The following PARVB variants were observed in gnomAD, a reference collection of about 807,000 sequenced individuals.
PARVB encodes beta-parvin.
A neutral mutation model predicts 47.0 loss-of-function variants in PARVB; 46 were observed. The observed-to-expected ratio is 0.98, with a 90% confidence interval of 0.77 to 1.25. The LOEUF is 1.25. Among genes scored for constraint, PARVB ranks in the 50% most tolerant of loss-of-function variants. PARVB has a pLI of 0.00. For synonymous variants in PARVB, 196 were observed against 196.3 expected (o/e 1.00, Z 0.01); for missense variants, 473 against 471.6 (o/e 1.00, Z -0.03).
chr22:44,153,453 T>G (rs192918827), intron 10 of PARVB: 1 of 152,082 alleles, frequency 6.6e-6, no homozygotes, highest in East Asian at 1.9e-4. Flanking sequence ...CTCAGCCTCC[T>G]GAGTAGCTGG....
intron 10 of PARVB, among the ~76,000 whole-genome samples, chr22:44,156,871 G>T (rs531085773): frequency 6.6e-6 from 1 of 152,214 alleles, no homozygotes; most frequent in African/African-American, 2.4e-5. Context: ...CTCAGGGGCT[G>T]GGGGGAAGGT....
chr22:44,117,305 CAGGG>C (rs1235352425), intron 3 of PARVB, among the ~76,000 whole-genome samples: 1 of 149,840 alleles, frequency 6.7e-6, no homozygotes, highest in East Asian at 2.0e-4. Flanking sequence ...TCAGGGGAGT[CAGGG>C]AGGATCCCCC....
intron 10 of PARVB, among the ~76,000 whole-genome samples, chr22:44,156,171 G>C (rs2053928452): frequency 6.6e-6 from 1 of 152,106 alleles, no homozygotes; most frequent in African/African-American, 2.4e-5. Context: ...TCCCTTAAGG[G>C]ACTGTTGCCC....
At chr22:44,043,571 G>T (rs888955539) in intron 1 of PARVB, among the ~76,000 whole-genome samples, 1 of 152,176 alleles carries the variant, frequency 6.6e-6, no homozygotes, top group Non-Finnish European at 1.5e-5. Flanking sequence ...TAGAGACAGG[G>T]TTTCACCATG....
Position 44,122,484 on chromosome 22 carries a change from G to A in PARVB, c.376+3344G>A, listed in dbSNP as rs550294693. ...CTAGGCAACAGAGTGAGACCCTGTC[G>A]ATCAAGAGAGAGAGAGAGAGAGAGA... On this transcript the variant is annotated intron_variant, in intron 4 of 12. Coordinates refer to ENST00000338758, the MANE Select transcript of PARVB (RefSeq NM_013327.5). 3.6e-4 allele frequency among the ~76,000 whole-genome samples: 51 copies of A among 139,772 alleles called. No individual in the cohort carries two copies. The East Asian group carries it at 9.4e-3, about 26-fold the overall frequency. 91.7% of individuals were successfully genotyped at this position (139,772 alleles called of 152,430 possible). A position where few individuals can be genotyped will look rare whatever the true frequency, so the allele number is the denominator to read the frequency against.
At chr22:44,086,982 G>A (rs935603640) in intron 1 of PARVB, 1 of 204,532 alleles carries the variant, frequency 4.9e-6, no homozygotes, top group Non-Finnish European at 8.6e-6. Context: ...GCGTGAGTTG[G>A]CACAGAGCCG....
chr22:44,140,842 C>A (rs1399309618), intron 8 of PARVB: 1 of 251,416 alleles, frequency 4.0e-6, no homozygotes, highest in Non-Finnish European at 8.3e-6. Context: ...ACTCTCTCTT[C>A]CCTCATGAAA....
At position 44,125,753 on chromosome 22, in the gene PARVB, G is replaced by T. The variant is rs2053172626; in HGVS notation, c.377-5734G>T. Among the ~76,000 whole-genome samples, 2 of 152,170 alleles carry T rather than the reference G, an allele frequency of 1.3e-5. No homozygotes were observed. Among genetic ancestry groups the T allele is most frequent in the African/African-American group, 2.4e-5 (1 of 41,450 alleles). On this transcript the variant is annotated intron_variant, in intron 4 of 12. Coordinates refer to ENST00000338758, the MANE Select transcript of PARVB (RefSeq NM_013327.5). This position sits in a 1 kb window ranked among gnomAD's most constrained non-coding sequence, Gnocchi z 4.1. ...GAAGCCATTGGAGGTTTTGGGTAGG[G>T]CTGTGACGTGGATTGGGTTAGAGTT...
intron 1 of PARVB, among the ~76,000 whole-genome samples, chr22:44,069,322 C>T (rs1156879459): frequency 6.6e-6 from 1 of 152,068 alleles, no homozygotes. Context: ...GGTGTTAGGA[C>T]GATGGGCAAG....
chr22:44,122,520 C>CAGAGAGAG (rs1569134259), intron 4 of PARVB, among the ~76,000 whole-genome samples: 1 of 49,832 alleles, frequency 2.0e-5, no homozygotes, highest in Non-Finnish European at 4.2e-5. Context: ...GAGAGAGAGA[C>CAGAGAGAG]AGAGAGACAG....
intron 8 of PARVB, chr22:44,142,650 C>A (rs1015749722): frequency 3.9e-5 from 6 of 152,112 alleles, no homozygotes; most frequent in Admixed American, 3.3e-4. Flanking sequence ...ATGGCTGGGG[C>A]AGTGGCTCCC....
At chr22:44,148,365 A>T (rs971061461) in intron 9 of PARVB, 1 of 214,638 alleles carries the variant, frequency 4.7e-6, no homozygotes, top group Admixed American at 5.1e-5. Flanking sequence ...TCACTAGCCC[A>T]GGCAGCCTGC....
At chr22:44,018,681 C>A (rs947919472) in intron 2 of PARVB, among the ~76,000 whole-genome samples, 4 of 152,114 alleles carry the variant, frequency 2.6e-5, no homozygotes, top group Non-Finnish European at 5.9e-5. Flanking sequence ...CTCGCTTGGT[C>A]CTCCACACTG....
rs559704015 is a variant in PARVB at position 44,088,075 on chromosome 22, C to T, written c.113-5853C>T. ...AGATGGAAACTGAGACACACAGAGC[C>T]GTCAAGCAGCTTGCCCAAGGTCACA... On this transcript the variant is annotated intron_variant, in intron 1 of 12. Coordinates refer to ENST00000338758, the MANE Select transcript of PARVB (RefSeq NM_013327.5). Among the ~76,000 whole-genome samples the T allele has an allele frequency of 2.0e-5, 3 of 152,184 alleles. No individual in the cohort carries two copies. The South Asian group carries it at 6.2e-4, about 32-fold the overall frequency.
At chr22:44,021,412 G>A (rs1322281802), upstream of PARVB, among the ~76,000 whole-genome samples, 2 of 152,070 alleles carry the variant, frequency 1.3e-5, no homozygotes, top group African/African-American at 4.8e-5. Flanking sequence ...GTGAAAGGAG[G>A]GAAGGAGAAA....
intron 9 of PARVB, chr22:44,149,113 A>C (rs1465454500): frequency 6.6e-6 from 1 of 152,146 alleles, no homozygotes; most frequent in Non-Finnish European, 1.5e-5. Context: ...CCATCTGTCA[A>C]GTGGGGACAG....
At chr22:44,098,059 G>A (rs1157305780) in intron 2 of PARVB, among the ~76,000 whole-genome samples, 1 of 152,188 alleles carries the variant, frequency 6.6e-6, no homozygotes, top group Non-Finnish European at 1.5e-5. Flanking sequence ...GAGCTGGGCG[G>A]GCCCGAATCT....
At chr22:44,105,009 C>G (rs1227109943) in intron 3 of PARVB, 2 of 152,272 alleles carry the variant, frequency 1.3e-5, no homozygotes, top group African/African-American at 2.4e-5. Context: ...CACAGCACCT[C>G]CATTGTCCTT....
At chr22:44,066,449 G>A (rs2146968273) in intron 1 of PARVB, among the ~76,000 whole-genome samples, 1 of 152,202 alleles carries the variant, frequency 6.6e-6, no homozygotes, top group South Asian at 2.1e-4. Flanking sequence ...ATCTTAACAA[G>A]GGGTGCCTCC....
Sources: gnomAD v4.1 joint callset for allele counts (sites outside exome capture counted in the v4.1 genomes callset) on GRCh38, gnomAD v4.1.1 for gene constraint, Gnocchi (gnomAD v3.1) non-coding constraint, MANE v1.5 for transcripts, NCBI Gene and HGNC (gene_info 2026-07-23, HGNC 2026-07-21) for gene names.